ACVR2A: variants seen among roughly 807,000 people sequenced by gnomAD.
The protein encoded by ACVR2A is activin A receptor type 2A.
ACVR2A carries 7 observed loss-of-function variants against 61.4 expected under a neutral mutation model. The observed-to-expected ratio is 0.11, with a 90% CI of 0.06 to 0.21. ACVR2A has a LOEUF of 0.21. Among genes scored for constraint, ACVR2A ranks in the 10% least tolerant of loss-of-function variants. The probability of loss-of-function intolerance (pLI) is 1.00; values close to 1 mark genes in which losing one functional copy is unlikely to be tolerated. For synonymous variants in ACVR2A, 193 were observed against 208.3 expected, an observed-to-expected ratio of 0.93 and a Z score of 0.63; for missense variants, 322 against 621.7, an observed-to-expected ratio of 0.52 and a Z score of 5.13.
chr2:147,904,034 G>A (rs571873398), intron 4 of ACVR2A, among the ~76,000 whole-genome samples: 21 of 151,694 alleles, frequency 1.4e-4, no homozygotes, highest in African/African-American at 4.8e-4. Context: ...ATGATTTTGT[G>A]GGGGGCTGTA....
rs1405090061 is a variant in ACVR2A at position 147,928,009 on chromosome 2, T to C, written c.*735T>C. 1.3e-5 allele frequency: 2 copies of C among 152,382 alleles called. No individual in the cohort carries two copies. The highest frequency in any genetic ancestry group is 2.1e-4 in the South Asian group (1 of 4,824). 9.4% of individuals were successfully genotyped at this position (152,382 alleles called of 1,614,324 possible). On this transcript the variant is annotated 3_prime_UTR_variant, in exon 11 of 11. Coordinates refer to ENST00000241416, the MANE Select transcript of ACVR2A (RefSeq NM_001616.5). The stretch of plus-strand genomic sequence containing the variant: ...GCTTAGTGCCAACAATAAGTGGCCA[T>C]TCGTAAAGCAGTGTTTTAGCATTTC...
chr2:147,926,423 A>T (rs1162546961), intron 10 of ACVR2A, among the ~76,000 whole-genome samples: 2 of 151,876 alleles, frequency 1.3e-5, no homozygotes, highest in African/African-American at 4.8e-5. Flanking sequence ...AAAGTTTCCC[A>T]GGGAAAAGGC....
intron 8 of ACVR2A, 72 bp from the exon 9 acceptor site, chr2:147,922,901 C>G: frequency 6.6e-7 from 1 of 1,520,358 alleles, no homozygotes; most frequent in Non-Finnish European, 8.9e-7. Context: ...GGTTTTGATT[C>G]ATCTTACAAA....
intron 4 of ACVR2A, among the ~76,000 whole-genome samples, chr2:147,906,200 A>T (rs1246448106): frequency 1.3e-5 from 2 of 152,018 alleles, no homozygotes; most frequent in Non-Finnish European, 2.9e-5. Context: ...TTTTTAAATT[A>T]AGATAATAGA....
chr2:147,910,759 C>G (rs1203112042), intron 4 of ACVR2A, among the ~76,000 whole-genome samples: 3 of 152,100 alleles, frequency 2.0e-5, no homozygotes, highest in Non-Finnish European at 4.4e-5. Flanking sequence ...CTATCAGTGT[C>G]TGAGTGTCTT....
chr2:147,915,022 C>G (rs1479038892), intron 4 of ACVR2A, among the ~76,000 whole-genome samples, 169 bp from the exon 5 acceptor site: 1 of 151,842 alleles, frequency 6.6e-6, no homozygotes, highest in Non-Finnish European at 1.5e-5. Flanking sequence ...CTTGTGATCA[C>G]TATAGATAAT....
rs1181394200 is a variant in ACVR2A at position 147,927,918 on chromosome 2, A to G, written c.*644A>G. ...AATTGAAAACACTAACAAAATTTGA[A>G]TAATAAATCGATCCATGTTTTGTAA... On this transcript the variant is annotated 3_prime_UTR_variant, in exon 11 of 11. Coordinates refer to ENST00000241416, the MANE Select transcript of ACVR2A (RefSeq NM_001616.5). 6.6e-6 allele frequency: 1 copy of G among 152,396 alleles called. No individual in the cohort carries two copies. The highest frequency in any genetic ancestry group is 2.4e-5 in the African/African-American group (1 of 41,406). 9.4% of individuals were successfully genotyped at this position (152,396 alleles called of 1,614,324 possible). A position where few individuals can be genotyped will look rare whatever the true frequency, so the allele number is the denominator to read the frequency against.
intron 1 of ACVR2A, among the ~76,000 whole-genome samples, chr2:147,875,426 T>G (rs1478891187): frequency 2.6e-5 from 4 of 152,080 alleles, no homozygotes; most frequent in African/African-American, 9.6e-5. Context: ...TTACAGTGTT[T>G]CGTGCTTTAA....
At chr2:147,873,445 G>C (rs866383824) in intron 1 of ACVR2A, among the ~76,000 whole-genome samples, 1 of 151,626 alleles carries the variant, frequency 6.6e-6, no homozygotes, top group African/African-American at 2.4e-5. Context: ...TTGTACTTAC[G>C]GCACATCTCA....
chr2:147,868,920 A>G (rs1685943185), intron 1 of ACVR2A, among the ~76,000 whole-genome samples: 1 of 152,118 alleles, frequency 6.6e-6, no homozygotes, highest in African/African-American at 2.4e-5. Flanking sequence ...GACGTGAGCC[A>G]CCATGCCCAG....
chr2:147,921,321 C>A (rs1687376640), intron 8 of ACVR2A, among the ~76,000 whole-genome samples: 1 of 152,182 alleles, frequency 6.6e-6, no homozygotes, highest in African/African-American at 2.4e-5. Flanking sequence ...AGGCGTGAGC[C>A]ACCACGCCCA....
At chr2:147,878,048 A>T (rs1453833053) in intron 1 of ACVR2A, among the ~76,000 whole-genome samples, 1 of 152,190 alleles carries the variant, frequency 6.6e-6, no homozygotes, top group Non-Finnish European at 1.5e-5. Flanking sequence ...CCATTAAATT[A>T]TGAGGGCAAA....
intron 4 of ACVR2A, among the ~76,000 whole-genome samples, chr2:147,911,738 T>C (rs1266710906): frequency 2.6e-5 from 4 of 152,062 alleles, no homozygotes; most frequent in Non-Finnish European, 4.4e-5. Context: ...TGTGATTGAT[T>C]TGACTTAGGA....
At chr2:147,916,772 C>T (rs1333297927) in intron 5 of ACVR2A, among the ~76,000 whole-genome samples, 1 of 151,936 alleles carries the variant, frequency 6.6e-6, no homozygotes, top group Non-Finnish European at 1.5e-5. Context: ...TAAATTATTG[C>T]ATTGCATATC....
intron 1 of ACVR2A, among the ~76,000 whole-genome samples, chr2:147,876,071 G>A (rs984485593): frequency 6.6e-6 from 1 of 152,090 alleles, no homozygotes; most frequent in Non-Finnish European, 1.5e-5. Context: ...AAACTATTGA[G>A]CTTTATTAGA....
rs139126302 is a variant in ACVR2A, at chr2:147,914,416, T to C, written c.529-775T>C. 2.1e-4 allele frequency among the ~76,000 whole-genome samples: 32 copies of C among 152,102 alleles called. No individual in the cohort carries two copies. In the East Asian group the frequency reaches 6.0e-3, roughly 28 times the overall value. ...ATGCTGTATTCCTATTTATATATTA[T>C]GTTTGCTCTATTTTTAAAAAACTAT... On this transcript the variant is annotated intron_variant, in intron 4 of 10. Coordinates refer to ENST00000241416, the MANE Select transcript of ACVR2A (RefSeq NM_001616.5).
chr2:147,927,130 A>G lies in ACVR2A; in HGVS notation c.1398A>G (p.Ala466=), dbSNP rs1486954628. The change falls in exon 11 of 11, where the codon GCA becomes GCG. Residue 466 remains alanine, a synonymous_variant. Transcript: ENST00000241416. ...ETIEECWDHD[A]EARLSAGCVG... ...TTGAAGAATGTTGGGATCACGACGCAGAAGCCAGGTTATCAGCTGGATGTG... is the reference window on the plus strand; with the variant it reads ...TTGAAGAATGTTGGGATCACGACGCGGAAGCCAGGTTATCAGCTGGATGTG... 5 of 1,612,238 alleles carry G rather than the reference A, an allele frequency of 3.1e-6. No homozygotes were observed. Among genetic ancestry groups the G allele is most frequent in the Non-Finnish European group, 4.2e-6 (5 of 1,178,786 alleles).
At chr2:147,916,168 A>G (rs1446813605) in intron 5 of ACVR2A, among the ~76,000 whole-genome samples, 1 of 151,972 alleles carries the variant, frequency 6.6e-6, no homozygotes, top group Non-Finnish European at 1.5e-5. Context: ...TGTTCAGTCT[A>G]TAAACTGTTT....
intron 1 of ACVR2A, among the ~76,000 whole-genome samples, chr2:147,881,257 G>A (rs982060379): frequency 6.6e-6 from 1 of 152,044 alleles, no homozygotes; most frequent in Non-Finnish European, 1.5e-5. Context: ...TTTGTATTTA[G>A]GGAAGTGAAG....
Sources: allele counts gnomAD v4.1 joint callset (sites outside exome capture counted in the v4.1 genomes callset), GRCh38; gene constraint gnomAD v4.1.1; transcripts MANE v1.5; gene names NCBI Gene and HGNC (gene_info 2026-07-23, HGNC 2026-07-21).